RNASE4: variants seen among roughly 807,000 people sequenced by gnomAD.
RNASE4 encodes ribonuclease 4.
For missense variants in RNASE4, 194 were observed against 192.8 expected, an observed-to-expected ratio of 1.01 and a Z score of -0.04; for synonymous variants, 93 against 71.4, an observed-to-expected ratio of 1.30 and a Z score of -1.52.
chr14:20,699,645 T>C lies in RNASE4; in HGVS notation c.274T>C (p.Cys92Arg), dbSNP rs1239223452. Residue 92 changes from cysteine (C) to arginine (R), a missense_variant, in exon 2 of 2, where the codon TGC (cysteine) becomes CGC (arginine). By Grantham distance (180) the Cys-to-Arg change is radical. Transcript: ENST00000555835. ...RSICSTTNIQ[C>R]KNGKMNCHEG... Reference sequence around the variant, plus strand: ...TATCTGCAGCACCACCAATATCCAATGCAAGAACGGCAAGATGAACTGCCA... The same window carrying C: ...TATCTGCAGCACCACCAATATCCAACGCAAGAACGGCAAGATGAACTGCCA... The C allele has an allele frequency of 5.6e-6, 9 of 1,612,890 alleles. No individual in the cohort carries two copies. The highest frequency in any genetic ancestry group is 1.7e-5 in the Admixed American group (1 of 60,012).
intron 1 of RNASE4, chr14:20,688,677 C>T (rs4982325): frequency 0.12 from 118,071 of 984,050 alleles, 7,333 homozygotes; most frequent in African/African-American, 0.18. Context: ...TGACCCTCCT[C>T]GTTTGTTCAA....
chr14:20,696,731 T>TAA (rs34394955), intron 1 of RNASE4, among the ~76,000 whole-genome samples: 155 of 145,038 alleles, frequency 1.1e-3, no homozygotes, highest in African/African-American at 3.8e-3. Context: ...ATGGAAGTGG[T>TAA]AAAAAAAAAA....
chr14:20,694,905 C>G (rs1372496254), intron 1 of RNASE4, among the ~76,000 whole-genome samples: 2 of 152,120 alleles, frequency 1.3e-5, no homozygotes, highest in African/African-American at 4.8e-5. Flanking sequence ...TGTAATCCAG[C>G]ATGAATACCA....
In RNASE4 at chr14:20,687,680, C is replaced by A. The variant is rs527790227; in HGVS notation, c.-18+2922C>A. 7.2e-5 allele frequency among the ~76,000 whole-genome samples: 11 copies of A among 152,326 alleles called. No homozygotes were observed. The South Asian group carries it at 2.3e-3, about 32-fold the overall frequency. On this transcript the variant is annotated intron_variant, in intron 1 of 1. Transcript: ENST00000555835. ...CAGAGCATATTTACATAATGCCTACCTCACACAGTCCTGGTGTTGGTTGAA... is the reference window on the plus strand; with the variant it reads ...CAGAGCATATTTACATAATGCCTACATCACACAGTCCTGGTGTTGGTTGAA...
intron 1 of RNASE4, among the ~76,000 whole-genome samples, chr14:20,687,079 A>G (rs563005484): frequency 3.3e-5 from 5 of 152,202 alleles, no homozygotes; most frequent in African/African-American, 4.8e-5. Flanking sequence ...GTTTTTTGCA[A>G]TTGGCGATTC....
At chr14:20,687,558 G>A (rs1566598154) in intron 1 of RNASE4, among the ~76,000 whole-genome samples, 2 of 152,200 alleles carry the variant, frequency 1.3e-5, no homozygotes, top group South Asian at 4.1e-4. Context: ...CTTGAGCTAA[G>A]CCTGGAAAGA....
intron 1 of RNASE4, chr14:20,693,608 G>T (rs779304641): frequency 1.9e-6 from 3 of 1,613,804 alleles, no homozygotes; most frequent in African/African-American, 2.7e-5. Flanking sequence ...TTCGTGCTGG[G>T]TCTGGGTCTG....
chr14:20,696,801 C>G (rs369987673), intron 1 of RNASE4, among the ~76,000 whole-genome samples: 2 of 151,834 alleles, frequency 1.3e-5, no homozygotes, highest in African/African-American at 4.8e-5. Context: ...TTGTTATAGG[C>G]GCTTAGATTG....
At chr14:20,697,132 G>A (rs115601653) in intron 1 of RNASE4, among the ~76,000 whole-genome samples, 4,223 of 152,290 alleles carry the variant, frequency 0.028, 195 homozygotes, top group African/African-American at 0.097. Flanking sequence ...GTTTACTTGA[G>A]TAGTGCAGAA....
At chr14:20,695,310 G>T (rs1048963546) in intron 1 of RNASE4, among the ~76,000 whole-genome samples, 6 of 150,664 alleles carry the variant, frequency 4.0e-5, no homozygotes, top group East Asian at 3.9e-4. Flanking sequence ...CAGGAGAATC[G>T]CTTGAACCTA....
intron 1 of RNASE4, chr14:20,699,112 G>A: frequency 2.2e-6 from 1 of 457,770 alleles, no homozygotes; most frequent in Non-Finnish European, 3.9e-6. Flanking sequence ...TCATTGTACT[G>A]GCCACAGCAA....
intron 1 of RNASE4, among the ~76,000 whole-genome samples, chr14:20,695,611 T>C (rs1887065864): frequency 6.6e-6 from 1 of 152,198 alleles, no homozygotes; most frequent in Admixed American, 6.5e-5. Flanking sequence ...GCCAATAAAT[T>C]AGTTATAAGT....
At chr14:20,697,940 T>C (rs913052871) in intron 1 of RNASE4, among the ~76,000 whole-genome samples, 2 of 152,168 alleles carry the variant, frequency 1.3e-5, no homozygotes, top group Non-Finnish European at 2.9e-5. Context: ...ATCTGGCTAG[T>C]CAGTTGGTGA....
At chr14:20,696,772 A>G (rs1346852384) in intron 1 of RNASE4, among the ~76,000 whole-genome samples, 3 of 152,060 alleles carry the variant, frequency 2.0e-5, no homozygotes, top group African/African-American at 7.2e-5. Flanking sequence ...TTTACTGAGC[A>G]TTTACCCTGT....
chr14:20,694,043 T>C, intron 1 of RNASE4: 1 of 1,611,742 alleles, frequency 6.2e-7, no homozygotes, highest in South Asian at 1.1e-5. Flanking sequence ...GGCTCTGCTG[T>C]CCTTGCCTTC....
intron 1 of RNASE4, among the ~76,000 whole-genome samples, chr14:20,695,394 CAAAAA>C (rs552960263): frequency 8.7e-6 from 1 of 114,678 alleles, no homozygotes; most frequent in Non-Finnish European, 1.8e-5. Flanking sequence ...GACTCCATCT[CAAAAA>C]AAAAAAAAAA....
intron 1 of RNASE4, among the ~76,000 whole-genome samples, chr14:20,695,834 G>C (rs1253900626): frequency 6.6e-6 from 1 of 152,238 alleles, no homozygotes; most frequent in African/African-American, 2.4e-5. Flanking sequence ...TAGGTAGCTG[G>C]TATGTGCTTA....
At chr14:20,685,629 A>C (rs1010461) in intron 1 of RNASE4, among the ~76,000 whole-genome samples, 65,624 of 152,064 alleles carry the variant, frequency 0.43, 14,207 homozygotes, top group Middle Eastern at 0.52. Context: ...GATGACAAGC[A>C]GAGTAAAATA....
intron 1 of RNASE4, 131 bp from the exon 2 acceptor site, chr14:20,699,224 G>A (rs1887194558): frequency 1.4e-6 from 1 of 700,640 alleles, no homozygotes; most frequent in Non-Finnish European, 2.3e-6. Flanking sequence ...AGAGATGAGT[G>A]GGGAGATGGT....
Sources: allele counts gnomAD v4.1 joint callset (sites outside exome capture counted in the v4.1 genomes callset), GRCh38; gene constraint gnomAD v4.1.1; transcripts MANE v1.5; gene names NCBI Gene and HGNC (gene_info 2026-07-23, HGNC 2026-07-21).